Variants in PMM2 observed in about 807,000 individuals in gnomAD.
The protein encoded by PMM2 is phosphomannomutase 2, also known as mannose-6-phosphate isomerase.
A neutral mutation model predicts 33.2 loss-of-function variants in PMM2; 35 were observed. The ratio of observed to expected loss-of-function variants is 1.06; its 90% CI spans 0.81 to 1.40. PMM2 has a LOEUF of 1.40. PMM2 is among the 40% of genes most tolerant of loss of function. The pLI, the probability that PMM2 is intolerant of heterozygous loss-of-function variation, is 0.00. For synonymous variants in PMM2, 153 were observed against 114.7 expected (o/e 1.33, Z -2.13); for missense variants, 386 against 306.0 (o/e 1.26, Z -1.95).
Position 8,848,177 on chromosome 16 carries a change from C to A in PMM2, c.*352C>A. The A allele has an allele frequency of 3.5e-6, 1 of 283,892 alleles. No individual in the cohort carries two copies. Among genetic ancestry groups the A allele is most frequent in the Non-Finnish European group, 6.9e-6 (1 of 144,162 alleles). 17.6% of individuals were successfully genotyped at this position (283,892 alleles called of 1,614,324 possible). On this transcript the variant is annotated 3_prime_UTR_variant, in exon 8 of 8. Transcript: ENST00000268261. ...CAGAAAGAAAAACTGTGCCTGGACC[C>A]TCCCTCTTGGTGGGTCTGTGGAAAC...
intron 1 of PMM2, among the ~76,000 whole-genome samples, chr16:8,799,782 G>A (rs1163929714): frequency 6.6e-6 from 1 of 152,078 alleles, no homozygotes; most frequent in South Asian, 2.1e-4. Context: ...TCTGGACCTC[G>A]TGATCCACCC....
chr16:8,809,100 T>C (rs1291062971), intron 4 of PMM2: 1 of 152,224 alleles, frequency 6.6e-6, no homozygotes, highest in Non-Finnish European at 1.5e-5. Flanking sequence ...TTAGCCTTTC[T>C]GTAGGTGAAT....
At chr16:8,843,215 TGAAAA>T (rs756610658) in intron 7 of PMM2, among the ~76,000 whole-genome samples, 4 of 152,040 alleles carry the variant, frequency 2.6e-5, no homozygotes, top group Admixed American at 6.6e-5. Flanking sequence ...AACAGGCCCT[TGAAAA>T]GAAGGCAACA....
chr16:8,802,206 G>C, intron 2 of PMM2: 1 of 466,134 alleles, frequency 2.1e-6, no homozygotes, highest in South Asian at 1.5e-5. Context: ...GCTTGTACCC[G>C]TTGACAGCCC....
intron 7 of PMM2, among the ~76,000 whole-genome samples, chr16:8,837,157 G>A (rs1196680651): frequency 6.6e-6 from 1 of 151,910 alleles, no homozygotes; most frequent in Non-Finnish European, 1.5e-5. Flanking sequence ...AGGGAAAGAA[G>A]GAAGATTTGG....
At chr16:8,801,774 T>C (rs1190775537) in intron 1 of PMM2, 25 bp from the exon 2 acceptor site, 3 of 1,399,840 alleles carry the variant, frequency 2.1e-6, no homozygotes, top group East Asian at 2.4e-5. Flanking sequence ...CTTATGACTG[T>C]TGTATTTTCT....
intron 7 of PMM2, among the ~76,000 whole-genome samples, chr16:8,823,501 G>A (rs2060749716): frequency 6.6e-6 from 1 of 152,130 alleles, no homozygotes; most frequent in Non-Finnish European, 1.5e-5. Context: ...ACCGTAGTAG[G>A]ACAAGTTTAC....
At position 8,811,065 on chromosome 16, in the gene PMM2, C is replaced by T. The variant is rs1428260862; in HGVS notation, c.348-14C>T. On this transcript the variant is annotated splice_polypyrimidine_tract_variant and intron_variant, in intron 4 of 7. Coordinates refer to ENST00000268261, the MANE Select transcript of PMM2 (RefSeq NM_000303.3). ...CGTGTTTTTGGAGAAACTCTGTCAC[C>T]CTTTCATTCCCAGGGGTACTTTCAT... The T allele has an allele frequency of 4.8e-6, 7 of 1,464,610 alleles. No individual in the cohort carries two copies. The highest frequency in any genetic ancestry group is 1.4e-5 in the African/African-American group (1 of 71,438). The allele number at this position is 1,464,610 out of a possible 1,614,324, so 90.7% of individuals were successfully genotyped here.
chr16:8,826,054 T>G (rs939670651), intron 7 of PMM2, among the ~76,000 whole-genome samples: 1 of 152,212 alleles, frequency 6.6e-6, no homozygotes, highest in African/African-American at 2.4e-5. Flanking sequence ...GCATCTGGCA[T>G]AAAACCCTAT....
At chr16:8,837,058 G>T (rs545552395) in intron 7 of PMM2, among the ~76,000 whole-genome samples, 305 of 152,122 alleles carry the variant, frequency 2.0e-3, no homozygotes, top group South Asian at 3.3e-3. Context: ...GCTCAGCCTG[G>T]CGAGGAGGAG....
At chr16:8,844,810 G>A (rs60253631) in intron 7 of PMM2, among the ~76,000 whole-genome samples, 3,879 of 152,272 alleles carry the variant, frequency 0.025, 169 homozygotes, top group African/African-American at 0.088. Flanking sequence ...GAAGTGTGGC[G>A]CCTAGATTGA....
intron 7 of PMM2, among the ~76,000 whole-genome samples, chr16:8,822,595 C>G (rs2060744313): frequency 6.6e-6 from 1 of 152,182 alleles, no homozygotes; most frequent in African/African-American, 2.4e-5. Flanking sequence ...ATAATTTTCT[C>G]AGTTAAAATT....
chr16:8,821,864 T>C lies in PMM2; in HGVS notation c.639+8758T>C, dbSNP rs148833877. ...GGGCCATGCCCCAAACAAGCATTTT[T>C]AAGGCATCCCCAGGGACTCTAGCCA... On this transcript the variant is annotated intron_variant, in intron 7 of 7. Coordinates refer to ENST00000268261, the MANE Select transcript of PMM2 (RefSeq NM_000303.3). 2.8e-4 allele frequency among the ~76,000 whole-genome samples: 43 copies of C among 152,380 alleles called. 1 individual carries two copies. The highest frequency in any genetic ancestry group is 9.1e-4 in the African/African-American group (38 of 41,594).
intron 7 of PMM2, among the ~76,000 whole-genome samples, chr16:8,841,025 T>C (rs2060886892): frequency 6.6e-6 from 1 of 152,030 alleles, no homozygotes; most frequent in South Asian, 2.1e-4. Flanking sequence ...GGACTGTACC[T>C]ACCCTGTAGC....
At chr16:8,810,739 G>A (rs1389218465) in intron 4 of PMM2, 1 of 365,204 alleles carries the variant, frequency 2.7e-6, no homozygotes, top group Non-Finnish European at 5.2e-6. Context: ...ACCATGCCAG[G>A]CTATTTTTTG....
intron 3 of PMM2, among the ~76,000 whole-genome samples, chr16:8,805,180 G>A (rs2060640027): frequency 6.6e-6 from 1 of 152,176 alleles, no homozygotes; most frequent in Non-Finnish European, 1.5e-5. Context: ...CAATTCTTAC[G>A]CCTCAGCCTC....
rs778286307 is a variant in PMM2, at chr16:8,811,597, T to G, written c.448-41T>G. On this transcript the variant is annotated intron_variant, in intron 5 of 7. Coordinates refer to ENST00000268261, the MANE Select transcript of PMM2 (RefSeq NM_000303.3). ...GTAGTTAAAACTGTGCTTTCTAAAC[T>G]GCAATACAAGAAACAATTGGTATCT... 7.6e-5 allele frequency: 94 copies of G among 1,240,056 alleles called. 1 individual carries two copies. The South Asian group carries it at 1.1e-3, about 14-fold the overall frequency. 76.8% of individuals were successfully genotyped at this position (1,240,056 alleles called of 1,614,324 possible).
At chr16:8,823,747 A>C (rs2060750984) in intron 7 of PMM2, among the ~76,000 whole-genome samples, 1 of 152,170 alleles carries the variant, frequency 6.6e-6, no homozygotes, top group South Asian at 2.1e-4. Flanking sequence ...TCATGGTCCT[A>C]AGATAATTTG....
At chr16:8,828,541 C>T (rs965065895) in intron 7 of PMM2, among the ~76,000 whole-genome samples, 1 of 152,182 alleles carries the variant, frequency 6.6e-6, no homozygotes, top group South Asian at 2.1e-4. Context: ...TCCTCTCAGA[C>T]CAGCTACCGA....
Sources: gnomAD v4.1 joint callset for allele counts (sites outside exome capture counted in the v4.1 genomes callset) on GRCh38, gnomAD v4.1.1 for gene constraint, MANE v1.5 for transcripts, NCBI Gene and HGNC (gene_info 2026-07-23, HGNC 2026-07-21) for gene names.